GPR158: variants seen among roughly 807,000 people sequenced by gnomAD.
The protein encoded by GPR158 is G protein-coupled receptor 158.
A neutral mutation model predicts 78.2 loss-of-function variants in GPR158; 30 were observed. The ratio of observed to expected loss-of-function variants is 0.38; its 90% CI spans 0.29 to 0.52. The LOEUF is 0.52. GPR158 is among the 20% of genes least tolerant of loss of function. GPR158 has a pLI of 0.83. For missense variants in GPR158, 1,463 were observed against 1,523.5 expected (o/e 0.96, Z 0.66); for synonymous variants, 581 against 591.1 (o/e 0.98, Z 0.25).
intron 2 of GPR158, among the ~76,000 whole-genome samples, chr10:25,339,615 A>G (rs1855274458): frequency 6.6e-6 from 1 of 152,086 alleles, no homozygotes. Flanking sequence ...ATATTTCAAC[A>G]TTGATTATGA....
chr10:25,277,674 C>A (rs1389907312), intron 2 of GPR158, among the ~76,000 whole-genome samples: 1 of 152,106 alleles, frequency 6.6e-6, no homozygotes, highest in African/African-American at 2.4e-5. Context: ...GTGGAGAATC[C>A]TGTGGAGATT....
chr10:25,201,759 TA>T (rs1852932716), intron 1 of GPR158, among the ~76,000 whole-genome samples: 1 of 152,186 alleles, frequency 6.6e-6, no homozygotes, highest in Non-Finnish European at 1.5e-5. Flanking sequence ...TAATTCTGTT[TA>T]TATGGTGAAT....
chr10:25,480,388 G>A (rs1835649846), intron 5 of GPR158, among the ~76,000 whole-genome samples: 2 of 152,060 alleles, frequency 1.3e-5, no homozygotes, highest in Non-Finnish European at 1.5e-5. Flanking sequence ...AAATTCAGTG[G>A]CTTTAAACAC....
At position 25,198,432 on chromosome 10, in the gene GPR158, T is replaced by C. The variant is rs375587231; in HGVS notation, c.902+22110T>C. Among the ~76,000 whole-genome samples, 9 of 152,282 alleles carry C rather than the reference T, an allele frequency of 5.9e-5. No homozygotes were observed. The South Asian group carries it at 1.0e-3, about 18-fold the overall frequency. On this transcript the variant is annotated intron_variant, in intron 1 of 10. Coordinates refer to ENST00000376351, the MANE Select transcript of GPR158 (RefSeq NM_020752.3). ...TCAGACTTGCTGTAAAATTCTCTTATATGTTTTAGAGGGGATCAGGTCTTA... is the reference window on the plus strand; with the variant it reads ...TCAGACTTGCTGTAAAATTCTCTTACATGTTTTAGAGGGGATCAGGTCTTA...
chr10:25,470,136 A>G (rs374070843), intron 5 of GPR158, among the ~76,000 whole-genome samples: 2 of 152,024 alleles, frequency 1.3e-5, no homozygotes, highest in African/African-American at 2.4e-5. Context: ...CCTGCACTCA[A>G]TATGTAGATC....
At chr10:25,366,378 T>TTTGA (rs5783924) in intron 2 of GPR158, among the ~76,000 whole-genome samples, 99,676 of 151,002 alleles carry the variant, frequency 0.66, 33,964 homozygotes, top group Non-Finnish European at 0.75. Flanking sequence ...TCACTAAAAC[T>TTTGA]TTGTCAGTTT....
intron 2 of GPR158, among the ~76,000 whole-genome samples, chr10:25,256,490 A>ATCTACAATTT (rs1215652833): frequency 6.6e-6 from 1 of 152,018 alleles, no homozygotes; most frequent in Admixed American, 6.6e-5. Context: ...TGTCTCTACA[A>ATCTACAATTT]TCTACAATTT....
intron 1 of GPR158, among the ~76,000 whole-genome samples, chr10:25,219,154 C>T (rs1478338582): frequency 3.3e-5 from 5 of 152,148 alleles, no homozygotes; most frequent in Admixed American, 6.5e-5. Context: ...AGTAAGTCAA[C>T]GAATGGTTAT....
At chr10:25,554,497 A>T (rs934386565) in intron 6 of GPR158, among the ~76,000 whole-genome samples, 1 of 152,182 alleles carries the variant, frequency 6.6e-6, no homozygotes, top group African/African-American at 2.4e-5. Flanking sequence ...CTTGAAACAA[A>T]CATGAAAGAG....
Position 25,243,275 on chromosome 10 carries a change from A to G in GPR158, c.1008+22118A>G, listed in dbSNP as rs565633216. ...AAATTTACCTGTTTTTCAAAGCCCA[A>G]TTCAAGACCTAACACCTCACTGGTC... On this transcript the variant is annotated intron_variant, in intron 2 of 10. Coordinates refer to ENST00000376351, the MANE Select transcript of GPR158 (RefSeq NM_020752.3). Among the ~76,000 whole-genome samples the G allele has an allele frequency of 6.6e-5, 10 of 152,332 alleles. No individual in the cohort carries two copies. In the South Asian group the frequency reaches 2.1e-3, roughly 32 times the overall value.
At chr10:25,255,602 CTGTT>C (rs1853879746) in intron 2 of GPR158, among the ~76,000 whole-genome samples, 1 of 152,234 alleles carries the variant, frequency 6.6e-6, no homozygotes, top group Non-Finnish European at 1.5e-5. Flanking sequence ...ATTTGTTTGT[CTGTT>C]TGTTTTGTTT....
intron 4 of GPR158, among the ~76,000 whole-genome samples, chr10:25,449,077 C>T (rs1244719086): frequency 6.6e-6 from 1 of 152,042 alleles, no homozygotes; most frequent in Non-Finnish European, 1.5e-5. Flanking sequence ...ATTATTACAC[C>T]AGATTGTATG....
At chr10:25,281,986 C>G (rs1365012448) in intron 2 of GPR158, among the ~76,000 whole-genome samples, 1 of 152,128 alleles carries the variant, frequency 6.6e-6, no homozygotes, top group Non-Finnish European at 1.5e-5. Flanking sequence ...TTTAAATTTG[C>G]ATAAACTAAA....
chr10:25,356,365 C>T (rs1251145948), intron 2 of GPR158, among the ~76,000 whole-genome samples: 1 of 151,942 alleles, frequency 6.6e-6, no homozygotes, highest in Non-Finnish European at 1.5e-5. Context: ...TCTACACTGC[C>T]ATTTTGGAAT....
chr10:25,182,777 G>T (rs564278922), intron 1 of GPR158, among the ~76,000 whole-genome samples: 2 of 152,202 alleles, frequency 1.3e-5, no homozygotes, highest in Non-Finnish European at 2.9e-5. Flanking sequence ...ATGCCAAGGC[G>T]TATGTTGTTG....
At chr10:25,422,946 A>G (rs994010435) in intron 4 of GPR158, among the ~76,000 whole-genome samples, 4 of 149,944 alleles carry the variant, frequency 2.7e-5, no homozygotes, top group African/African-American at 4.9e-5. Context: ...GAGTGAGAAC[A>G]TACAATGTTT....
intron 5 of GPR158, among the ~76,000 whole-genome samples, chr10:25,540,154 A>C (rs1836558129): frequency 6.6e-6 from 1 of 152,206 alleles, no homozygotes; most frequent in African/African-American, 2.4e-5. Flanking sequence ...ACACTTCTCA[A>C]AAGAAGACAT....
At chr10:25,485,375 A>G (rs1442081796) in intron 5 of GPR158, among the ~76,000 whole-genome samples, 2 of 152,114 alleles carry the variant, frequency 1.3e-5, no homozygotes, top group Non-Finnish European at 2.9e-5. Context: ...AAATATAAAG[A>G]CATCATATTT....
chr10:25,308,033 C>G (rs975397585), intron 2 of GPR158, among the ~76,000 whole-genome samples: 2 of 152,124 alleles, frequency 1.3e-5, no homozygotes, highest in African/African-American at 4.8e-5. Flanking sequence ...TTCCCTTAGC[C>G]TCAACAACAT....
Sources: gnomAD v4.1 joint callset for allele counts (sites outside exome capture counted in the v4.1 genomes callset) on GRCh38, gnomAD v4.1.1 for gene constraint, MANE v1.5 for transcripts, NCBI Gene and HGNC (gene_info 2026-07-23, HGNC 2026-07-21) for gene names.